The following OPCML variants were observed in gnomAD, a reference collection of about 807,000 sequenced individuals.
The protein encoded by OPCML is opioid-binding protein/cell adhesion molecule.
A neutral mutation model predicts 37.8 loss-of-function variants in OPCML; 13 were observed. The ratio of observed to expected loss-of-function variants is 0.34; its 90% CI spans 0.22 to 0.55. The LOEUF (loss-of-function observed/expected upper bound fraction) is 0.55, where lower values mean the gene tolerates loss of function less well. Ranked by LOEUF, OPCML falls within the 20% of genes least tolerant of loss-of-function variation. OPCML has a pLI of 0.91. For missense variants in OPCML, 341 were observed against 435.6 expected (o/e 0.78, Z 1.93); for synonymous variants, 176 against 168.8 (o/e 1.04, Z -0.33).
At chr11:133,454,117 A>G (rs1288212496) in intron 1 of OPCML, among the ~76,000 whole-genome samples, 1 of 152,212 alleles carries the variant, frequency 6.6e-6, no homozygotes, top group Non-Finnish European at 1.5e-5. Flanking sequence ...TATCAGAAGG[A>G]CCAAATTAAG....
intron 1 of OPCML, among the ~76,000 whole-genome samples, chr11:133,270,846 T>C (rs889920347): frequency 5.3e-5 from 8 of 152,152 alleles, no homozygotes; most frequent in Admixed American, 2.6e-4. Context: ...CCACCTGATA[T>C]AGTCTCTGCT....
intron 1 of OPCML, among the ~76,000 whole-genome samples, chr11:133,510,163 C>T (rs1412938314): frequency 6.6e-6 from 1 of 152,210 alleles, no homozygotes; most frequent in Non-Finnish European, 1.5e-5. Flanking sequence ...AGCCAATGAG[C>T]AGTGCCCAGG....
intron 3 of OPCML, among the ~76,000 whole-genome samples, chr11:132,618,674 A>G (rs10894588): frequency 0.5 from 76,457 of 152,026 alleles, 19,790 homozygotes; most frequent in African/African-American, 0.57. Context: ...TTTTAGTAAA[A>G]TATACATAAT....
intron 3 of OPCML, among the ~76,000 whole-genome samples, chr11:132,546,942 T>G (rs901791019): frequency 1.3e-5 from 2 of 152,224 alleles, no homozygotes; most frequent in African/African-American, 4.8e-5. Flanking sequence ...TACCTTCCAC[T>G]GCTGTAGACA....
At chr11:132,778,638 G>A (rs1365701647) in intron 2 of OPCML, among the ~76,000 whole-genome samples, 1 of 152,012 alleles carries the variant, frequency 6.6e-6, no homozygotes, top group Non-Finnish European at 1.5e-5. Flanking sequence ...CATTTTTACT[G>A]TCACTGTAAT....
chr11:133,266,318 A>T (rs550438524), intron 1 of OPCML, among the ~76,000 whole-genome samples: 52 of 152,206 alleles, frequency 3.4e-4, no homozygotes, highest in African/African-American at 1.3e-3. Flanking sequence ...CACTCCTTCA[A>T]ACTTGCTGTC....
chr11:132,496,175 A>C (rs1277860206), intron 4 of OPCML, among the ~76,000 whole-genome samples: 1 of 152,146 alleles, frequency 6.6e-6, no homozygotes, highest in Non-Finnish European at 1.5e-5. Flanking sequence ...GCCTCAGTCA[A>C]GTGCAAGAGC....
At chr11:132,954,892 C>G (rs916034559) in intron 1 of OPCML, among the ~76,000 whole-genome samples, 7 of 152,126 alleles carry the variant, frequency 4.6e-5, no homozygotes, top group Non-Finnish European at 1.5e-5. Context: ...GGTGCCCACA[C>G]AGAAATCAGG....
intron 3 of OPCML, among the ~76,000 whole-genome samples, chr11:132,567,996 T>C (rs538960431): frequency 6.6e-6 from 1 of 151,436 alleles, no homozygotes; most frequent in Non-Finnish European, 1.5e-5. Flanking sequence ...ATGTTGAAAA[T>C]AGAAAGGGGT....
intron 3 of OPCML, among the ~76,000 whole-genome samples, chr11:132,641,853 T>C (rs1289343142): frequency 6.6e-6 from 1 of 152,190 alleles, no homozygotes; most frequent in East Asian, 1.9e-4. Flanking sequence ...AATTCTGTGA[T>C]TAGTTGTTGG....
At chr11:133,328,827 G>C (rs997904582) in intron 1 of OPCML, among the ~76,000 whole-genome samples, 1 of 152,092 alleles carries the variant, frequency 6.6e-6, no homozygotes, top group South Asian at 2.1e-4. Flanking sequence ...CGGAAGTTCT[G>C]GCCAGGGCAA....
At chr11:133,108,353 T>G (rs945692402) in intron 1 of OPCML, among the ~76,000 whole-genome samples, 1 of 152,120 alleles carries the variant, frequency 6.6e-6, no homozygotes, top group Non-Finnish European at 1.5e-5. Flanking sequence ...CACAGATACC[T>G]GGCTACACAT....
intron 1 of OPCML, among the ~76,000 whole-genome samples, chr11:133,293,468 T>C (rs2136544331): frequency 6.6e-6 from 1 of 152,322 alleles, no homozygotes; most frequent in South Asian, 2.1e-4. Context: ...TAGGTAATTC[T>C]TAGAGGTGTG....
intron 2 of OPCML, among the ~76,000 whole-genome samples, chr11:132,768,443 G>C (rs2136115863): frequency 6.6e-6 from 1 of 152,286 alleles, no homozygotes; most frequent in South Asian, 2.1e-4. Flanking sequence ...TATGAGCTCA[G>C]TTAAAGCAAC....
chr11:132,973,388 A>G (rs1023262399), intron 1 of OPCML, among the ~76,000 whole-genome samples: 1 of 152,092 alleles, frequency 6.6e-6, no homozygotes, highest in Non-Finnish European at 1.5e-5. Flanking sequence ...ATCTTTGACC[A>G]TTTTGCAACT....
At chr11:133,054,337 C>T (rs1472019448) in intron 1 of OPCML, among the ~76,000 whole-genome samples, 7 of 152,166 alleles carry the variant, frequency 4.6e-5, no homozygotes, top group African/African-American at 4.8e-5. Flanking sequence ...ATATGTGGCA[C>T]CTGCACCCTT....
At chr11:133,238,142 C>T (rs974873309) in intron 1 of OPCML, among the ~76,000 whole-genome samples, 35 of 152,154 alleles carry the variant, frequency 2.3e-4, no homozygotes, top group Non-Finnish European at 4.1e-4. Context: ...AGACTATAGA[C>T]CATATACTTG....
intron 2 of OPCML, among the ~76,000 whole-genome samples, chr11:132,855,219 G>A (rs1190991657): frequency 1.3e-5 from 2 of 150,092 alleles, no homozygotes; most frequent in Non-Finnish European, 2.9e-5. Flanking sequence ...TCTGGTAACT[G>A]ACTGACTACA....
intron 2 of OPCML, among the ~76,000 whole-genome samples, chr11:132,740,889 T>C (rs958742410): frequency 6.6e-6 from 1 of 152,190 alleles, no homozygotes; most frequent in Non-Finnish European, 1.5e-5. Context: ...TTACTTTGTG[T>C]CAGATGATAT....
Sources: allele counts gnomAD v4.1 joint callset (sites outside exome capture counted in the v4.1 genomes callset), GRCh38; gene constraint gnomAD v4.1.1; transcripts MANE v1.5; gene names NCBI Gene and HGNC (gene_info 2026-07-23, HGNC 2026-07-21).